CCDC171: variants seen among roughly 807,000 people sequenced by gnomAD.
The protein encoded by CCDC171 is coiled-coil domain-containing protein 171.
In CCDC171, 177 loss-of-function variants were observed where a neutral mutation model predicts 168.2. That is an observed-to-expected ratio of 1.05 (90% CI 0.93 to 1.19). The LOEUF (loss-of-function observed/expected upper bound fraction) is 1.19. Among genes scored for constraint, CCDC171 ranks in the 50% most tolerant of loss-of-function variants. CCDC171 has a pLI of 0.00. For synonymous variants in CCDC171, 687 were observed against 540.8 expected (o/e 1.27, Z -3.75); for missense variants, 1,991 against 1,539.0 (o/e 1.29, Z -4.91).
intron 24 of CCDC171, among the ~76,000 whole-genome samples, chr9:15,899,903 G>C (rs1050089432): frequency 3.3e-5 from 5 of 151,620 alleles, no homozygotes; most frequent in Middle Eastern, 3.4e-3. Context: ...TCACACTTTT[G>C]ATTTTGTGTC....
At chr9:15,872,188 T>C (rs1258161633) in intron 23 of CCDC171, among the ~76,000 whole-genome samples, 1 of 152,042 alleles carries the variant, frequency 6.6e-6, no homozygotes, top group Non-Finnish European at 1.5e-5. Flanking sequence ...GATTATGATG[T>C]TCATCATTAG....
intron 21 of CCDC171, among the ~76,000 whole-genome samples, chr9:15,822,208 C>G (rs1272748693): frequency 6.6e-6 from 1 of 151,930 alleles, no homozygotes; most frequent in Non-Finnish European, 1.5e-5. Flanking sequence ...ACTTAAATGT[C>G]AGACCTAAAA....
chr9:15,645,735 T>G (rs2046982968), intron 7 of CCDC171, among the ~76,000 whole-genome samples: 2 of 151,982 alleles, frequency 1.3e-5, no homozygotes, highest in Admixed American at 1.3e-4. Context: ...GTCCAAGAAA[T>G]ATGGGACTAT....
At chr9:15,671,881 C>T (rs2133262940) in intron 9 of CCDC171, among the ~76,000 whole-genome samples, 1 of 152,278 alleles carries the variant, frequency 6.6e-6, no homozygotes, top group Non-Finnish European at 1.5e-5. Context: ...AATGGGATCG[C>T]TGCGTCAAGT....
downstream of CCDC171, among the ~76,000 whole-genome samples, chr9:16,063,877 G>A (rs1317928115): frequency 6.6e-6 from 1 of 152,212 alleles, no homozygotes; most frequent in Admixed American, 6.5e-5. Context: ...CAGAGCAAGG[G>A]ACCAAGATAG....
chr9:15,871,129 A>G (rs2062021091), intron 23 of CCDC171, among the ~76,000 whole-genome samples: 1 of 151,662 alleles, frequency 6.6e-6, no homozygotes, highest in South Asian at 2.1e-4. Flanking sequence ...AGTAGAAGTA[A>G]TATAGGTTTT....
intron 15 of CCDC171, among the ~76,000 whole-genome samples, chr9:15,729,062 A>G (rs1406817083): frequency 2.0e-5 from 3 of 152,140 alleles, no homozygotes; most frequent in African/African-American, 2.4e-5. Flanking sequence ...AAAATTAAAG[A>G]TAATTAAAAT....
chr9:15,574,214 G>C (rs2040454461), intron 3 of CCDC171, among the ~76,000 whole-genome samples: 1 of 150,158 alleles, frequency 6.7e-6, no homozygotes, highest in African/African-American at 2.5e-5. Flanking sequence ...GTGCTATCTT[G>C]GCTCACTGCA....
chr9:15,976,436 T>C (rs549627376), downstream of CCDC171, among the ~76,000 whole-genome samples: 8 of 152,248 alleles, frequency 5.3e-5, no homozygotes, highest in African/African-American at 1.7e-4. Flanking sequence ...TTGCCATAAC[T>C]TTTGATAATT....
chr9:16,108,874 G>A, the CCDC171 span, among the ~76,000 whole-genome samples: 1 of 152,194 alleles, frequency 6.6e-6, no homozygotes, highest in African/African-American at 2.4e-5. Flanking sequence ...CTGCAGAAAC[G>A]TGAGCCAAAT....
chr9:15,943,729 G>A (rs1236251881), intron 25 of CCDC171, among the ~76,000 whole-genome samples: 6 of 152,056 alleles, frequency 3.9e-5, no homozygotes, highest in South Asian at 4.1e-4. Flanking sequence ...TGCAGGCAAG[G>A]TAGTTGTATC....
At chr9:15,819,009 A>G (rs2059663560) in intron 21 of CCDC171, among the ~76,000 whole-genome samples, 1 of 117,266 alleles carries the variant, frequency 8.5e-6, no homozygotes, top group African/African-American at 3.2e-5. Context: ...CAGAAACTCT[A>G]CAAGCCAGAA....
At chr9:15,970,849 A>G (rs542960948) in intron 25 of CCDC171, among the ~76,000 whole-genome samples, 1 of 152,312 alleles carries the variant, frequency 6.6e-6, no homozygotes, top group South Asian at 2.1e-4. Flanking sequence ...GAGACTGAGC[A>G]CCAGGGACTA....
intron 1 of CCDC171, among the ~76,000 whole-genome samples, chr9:16,048,267 GCT>G (rs1204777782): frequency 6.8e-6 from 1 of 147,922 alleles, no homozygotes; most frequent in Non-Finnish European, 1.5e-5. Flanking sequence ...AACGTGTAGA[GCT>G]CTTAGTTGTG....
intron 2 of CCDC171, among the ~76,000 whole-genome samples, chr9:15,566,111 T>G (rs1247950447): frequency 6.6e-6 from 1 of 152,254 alleles, no homozygotes; most frequent in East Asian, 1.9e-4. Flanking sequence ...TTAACGATGT[T>G]GAACATCTTT....
intron 7 of CCDC171, among the ~76,000 whole-genome samples, chr9:15,627,495 C>T (rs1275585303): frequency 6.6e-6 from 1 of 152,162 alleles, no homozygotes; most frequent in East Asian, 1.9e-4. Context: ...TTGAATGTGT[C>T]CCAGAGAGTC....
At chr9:15,831,448 C>G (rs1343709164) in intron 21 of CCDC171, among the ~76,000 whole-genome samples, 2 of 152,152 alleles carry the variant, frequency 1.3e-5, no homozygotes, top group African/African-American at 4.8e-5. Context: ...TCTTCTTATT[C>G]TATTAATGTA....
At chr9:15,690,037 C>T (rs768511873) in intron 10 of CCDC171, among the ~76,000 whole-genome samples, 16 of 152,044 alleles carry the variant, frequency 1.1e-4, no homozygotes, top group East Asian at 1.9e-4. Context: ...TCAGCCTGGG[C>T]GACAGAGGGA....
At chr9:16,078,627 A>G in the CCDC171 span, among the ~76,000 whole-genome samples, 2 of 152,210 alleles carry the variant, frequency 1.3e-5, no homozygotes, top group Non-Finnish European at 2.9e-5. Flanking sequence ...GAGCTGTTCA[A>G]GAAATCAACT....
Sources: gnomAD v4.1 joint callset for allele counts (sites outside exome capture counted in the v4.1 genomes callset) on GRCh38, gnomAD v4.1.1 for gene constraint, MANE v1.5 for transcripts, NCBI Gene and HGNC (gene_info 2026-07-23, HGNC 2026-07-21) for gene names.